NGEF: variants seen among roughly 807,000 people sequenced by gnomAD.
The protein encoded by NGEF is ephexin-1.
Under a neutral mutation model 80.9 loss-of-function variants are expected in NGEF, and 31 were observed. The ratio of observed to expected loss-of-function variants is 0.38; its 90% CI spans 0.29 to 0.52. NGEF has a LOEUF of 0.52. Among genes scored for constraint, NGEF ranks in the 20% least tolerant of loss-of-function variants. NGEF has a pLI of 0.84. For missense variants in NGEF, 709 were observed against 926.2 expected (o/e 0.77, Z 3.04); for synonymous variants, 371 against 370.2 (o/e 1.00, Z -0.03).
intron 1 of NGEF, among the ~76,000 whole-genome samples, chr2:232,988,359 T>G (rs1394498176): frequency 2.0e-5 from 3 of 152,212 alleles, no homozygotes; most frequent in Non-Finnish European, 2.9e-5. Flanking sequence ...AAATCACCCT[T>G]AAAATCTTGT....
At chr2:232,957,425 C>T (rs1043022045) in intron 3 of NGEF, among the ~76,000 whole-genome samples, 27 of 152,088 alleles carry the variant, frequency 1.8e-4, no homozygotes, top group African/African-American at 6.5e-4. Context: ...CAGGTTCAAA[C>T]AATTCTCCTG....
At chr2:232,936,648 C>T (rs1436327792) in intron 3 of NGEF, among the ~76,000 whole-genome samples, 1 of 152,200 alleles carries the variant, frequency 6.6e-6, no homozygotes, top group Non-Finnish European at 1.5e-5. Context: ...CGCATGTTAT[C>T]ACACATTACT....
At chr2:232,988,391 C>G (rs906733052) in intron 1 of NGEF, among the ~76,000 whole-genome samples, 1 of 152,162 alleles carries the variant, frequency 6.6e-6, no homozygotes, top group African/African-American at 2.4e-5. Flanking sequence ...CAACCCTGTG[C>G]CTCTTAAGAG....
At chr2:232,890,836 C>T in intron 8 of NGEF, 1 of 461,664 alleles carries the variant, frequency 2.2e-6, no homozygotes, top group Non-Finnish European at 4.5e-6. Flanking sequence ...AGGACAGGAC[C>T]CAATGTCTTC....
chr2:232,928,748 C>T (rs1693153049), intron 3 of NGEF, among the ~76,000 whole-genome samples: 1 of 152,198 alleles, frequency 6.6e-6, no homozygotes, highest in Non-Finnish European at 1.5e-5. Flanking sequence ...CTACGCACGA[C>T]CCTGGCGGGT....
intron 3 of NGEF, 66 bp from the exon 4 acceptor site, chr2:232,927,252 C>T: frequency 7.4e-6 from 11 of 1,481,760 alleles, no homozygotes; most frequent in Non-Finnish European, 9.8e-6. Context: ...GGCTGGCTAG[C>T]GAGGGGCGTG....
chr2:232,940,421 G>A (rs1223939285), intron 3 of NGEF, among the ~76,000 whole-genome samples: 1 of 152,184 alleles, frequency 6.6e-6, no homozygotes, highest in African/African-American at 2.4e-5. Context: ...CAACCTTTCA[G>A]AGGGCAGTCT....
rs944609431 is a variant in NGEF, at chr2:233,003,903, C to T, written c.-75+9165G>A. The stretch of plus-strand genomic sequence containing the variant: ...TGCCCCTGGCCCGAGCTTGTTGCTC[C>T]AACTTGGCCCTTGTTGTGTGGCCCC... On this transcript the variant is annotated intron_variant, in intron 1 of 14. Coordinates refer to ENST00000264051, the MANE Select transcript of NGEF (RefSeq NM_019850.3). 3.3e-5 allele frequency among the ~76,000 whole-genome samples: 5 copies of T among 152,284 alleles called. No homozygotes were observed. In the East Asian group the frequency reaches 5.8e-4, roughly 18 times the overall value.
chr2:232,928,681 G>A (rs978354964), intron 3 of NGEF, among the ~76,000 whole-genome samples: 1 of 152,214 alleles, frequency 6.6e-6, no homozygotes, highest in Admixed American at 6.5e-5. Context: ...GGTGGGGAGG[G>A]GGCCGGCGCG....
At chr2:232,928,276 G>C (rs1202151282) in intron 3 of NGEF, 2 of 623,730 alleles carry the variant, frequency 3.2e-6, no homozygotes, top group Non-Finnish European at 4.0e-6. Context: ...GGCTGGGCGC[G>C]ACCCGGGCCC....
chr2:232,879,420 GC>G lies in NGEF; in HGVS notation c.*68del, dbSNP rs67252740. On this transcript the variant is annotated 3_prime_UTR_variant, in exon 15 of 15. Transcript: ENST00000264051. ...GAGGTGCTGGCCTGTGCTTCCCAGA[GC>G]CCCCCCCCCCCCACCTTCTGTCGGG... 80,158 of 1,209,588 alleles carry G rather than the reference GC, an allele frequency of 0.066. 588 individuals carry two copies. Among genetic ancestry groups the G allele is most frequent in the African/African-American group, 0.12 (7,638 of 61,456 alleles). The allele number at this position is 1,209,588 out of a possible 1,614,324, so 74.9% of individuals were successfully genotyped here. A position where few individuals can be genotyped will look rare whatever the true frequency, so the allele number is the denominator to read the frequency against.
rs201112654 is a variant in NGEF, at chr2:232,927,084, G to A, written c.486C>T (p.Pro162=). ...GGTTTCTCCAGGAGTCGGCGGGAAT[G>A]GGGTGGATCATCCGCAGGGCCTCGG... ...TLTEALRMIH[P]IPADSWRNLI... Residue 162 remains proline (P), a synonymous_variant, in exon 4 of 15, where the codon CCC becomes CCT. Transcript: ENST00000264051. The A allele has an allele frequency of 1.2e-6, 2 of 1,614,002 alleles. No homozygotes were observed. The highest frequency in any genetic ancestry group is 1.7e-6 in the Non-Finnish European group (2 of 1,180,002).
chr2:232,962,427 T>C (rs1693971387), intron 3 of NGEF, among the ~76,000 whole-genome samples: 1 of 151,464 alleles, frequency 6.6e-6, no homozygotes, highest in Non-Finnish European at 1.5e-5. Context: ...TGGGCACCTG[T>C]AATCCCAGCT....
At chr2:232,997,786 C>T (rs373938346) in intron 1 of NGEF, among the ~76,000 whole-genome samples, 4 of 152,246 alleles carry the variant, frequency 2.6e-5, no homozygotes, top group African/African-American at 4.8e-5. Flanking sequence ...CTCTCCTGCT[C>T]GGGGGTGTTA....
At chr2:232,995,572 A>ATATATATACAGTATGTATACTG (rs1559240793) in intron 1 of NGEF, among the ~76,000 whole-genome samples, 87 of 1,128 alleles carry the variant, frequency 0.077, 29 homozygotes, top group African/African-American at 0.099. Flanking sequence ...TGTATACTGT[A>ATATATATACAGTATGTATACTG]TATATATATA....
At chr2:232,929,025 C>A (rs1465474822) in intron 3 of NGEF, among the ~76,000 whole-genome samples, 3 of 152,228 alleles carry the variant, frequency 2.0e-5, no homozygotes, top group African/African-American at 7.2e-5. Context: ...CCCCCGCCTA[C>A]CCTCGCGAAG....
chr2:232,995,697 G>A (rs1360187965), intron 1 of NGEF, among the ~76,000 whole-genome samples: 1 of 134,466 alleles, frequency 7.4e-6, no homozygotes, highest in Non-Finnish European at 1.5e-5. Context: ...TATAGTGTAT[G>A]TATTATATGT....
chr2:232,912,450 A>T lies in NGEF; in HGVS notation c.828+7834T>A, dbSNP rs190857516. Among the ~76,000 whole-genome samples, 279 of 152,310 alleles carry T rather than the reference A, an allele frequency of 1.8e-3. 1 individual carries two copies. Among genetic ancestry groups the T allele is most frequent in the Admixed American group, 4.6e-3 (70 of 15,302 alleles). ...ACTGAGAATTTAAAAATATACATTCATGAGGAATATTGGTCTGTAGTTTAC... is the reference window on the plus strand; with the variant it reads ...ACTGAGAATTTAAAAATATACATTCTTGAGGAATATTGGTCTGTAGTTTAC... On this transcript the variant is annotated intron_variant, in intron 5 of 14. Transcript: ENST00000264051.
chr2:232,899,417 C>T (rs1692202942), intron 5 of NGEF, among the ~76,000 whole-genome samples: 1 of 152,148 alleles, frequency 6.6e-6, no homozygotes, highest in South Asian at 2.1e-4. Context: ...GGCCTGGATT[C>T]CTTGTGAAGA....
Sources: allele counts gnomAD v4.1 joint callset (sites outside exome capture counted in the v4.1 genomes callset), GRCh38; gene constraint gnomAD v4.1.1; transcripts MANE v1.5; gene names NCBI Gene and HGNC (gene_info 2026-07-23, HGNC 2026-07-21).